The following PTK2 variants were observed in gnomAD, a reference collection of about 807,000 sequenced individuals.
PTK2 encodes the protein focal adhesion kinase 1.
A neutral mutation model predicts 150.1 loss-of-function variants in PTK2; 45 were observed. The ratio of observed to expected loss-of-function variants is 0.30; its 90% CI spans 0.24 to 0.38. The LOEUF (loss-of-function observed/expected upper bound fraction) is 0.38, where lower values mean the gene tolerates loss of function less well. PTK2 is among the 10% of genes least tolerant of loss of function. The pLI, the probability that PTK2 is intolerant of heterozygous loss-of-function variation, is 1.00. For synonymous variants in PTK2, 432 were observed against 449.2 expected, an observed-to-expected ratio of 0.96 and a Z score of 0.48; for missense variants, 919 against 1,307.3, an observed-to-expected ratio of 0.70 and a Z score of 4.58.
intron 1 of PTK2, among the ~76,000 whole-genome samples, chr8:140,984,501 A>G (rs1009191235): frequency 6.6e-6 from 1 of 152,122 alleles, no homozygotes; most frequent in Non-Finnish European, 1.5e-5. Flanking sequence ...TTAAAATATA[A>G]CGAGATCCCT....
intron 15 of PTK2, among the ~76,000 whole-genome samples, 192 bp from the exon 19 acceptor site, chr8:140,761,454 TAGAAGA>T (rs976336675): frequency 6.6e-6 from 1 of 152,192 alleles, no homozygotes; most frequent in African/African-American, 2.4e-5. Flanking sequence ...GTTATGGTAT[TAGAAGA>T]ACTACTGAAA....
chr8:140,794,184 T>TTCA (rs1459588406), intron 12 of PTK2, among the ~76,000 whole-genome samples: 1 of 152,234 alleles, frequency 6.6e-6, no homozygotes, highest in East Asian at 1.9e-4. Flanking sequence ...AAATTACCAA[T>TTCA]TCATCAATCA....
At chr8:140,844,940 T>C (rs540267135) in intron 7 of PTK2, among the ~76,000 whole-genome samples, 70 of 152,294 alleles carry the variant, frequency 4.6e-4, no homozygotes, top group African/African-American at 1.6e-3. Flanking sequence ...GTGACTGGTA[T>C]CCATAGTGGC....
chr8:140,990,904 C>T (rs757756364), intron 1 of PTK2, among the ~76,000 whole-genome samples: 6 of 152,044 alleles, frequency 3.9e-5, no homozygotes, highest in Non-Finnish European at 7.4e-5. Context: ...AGAGAATGGA[C>T]GGGAGACTCT....
intron 1 of PTK2, chr8:140,948,652 A>G (rs1165385532): frequency 1.3e-5 from 2 of 152,244 alleles, no homozygotes; most frequent in African/African-American, 2.4e-5. Context: ...CACAAATGAT[A>G]AAGTTTAACA....
At chr8:140,717,534 C>T in intron 23 of PTK2, 64 bp downstream of exon 26, 2 of 1,265,512 alleles carry the variant, frequency 1.6e-6, no homozygotes, top group Non-Finnish European at 1.2e-6. Context: ...AAAACAGCTG[C>T]CTAACTGTAA....
chr8:140,924,820 A>C (rs940576804), intron 2 of PTK2, among the ~76,000 whole-genome samples: 1 of 152,250 alleles, frequency 6.6e-6, no homozygotes, highest in African/African-American at 2.4e-5. Context: ...TTTAGTACTG[A>C]TACTATTAAA....
chr8:140,950,121 T>G (rs2100179072), intron 1 of PTK2, among the ~76,000 whole-genome samples: 1 of 152,246 alleles, frequency 6.6e-6, no homozygotes, highest in African/African-American at 2.4e-5. Context: ...CCTCTCCACC[T>G]TGCTCATCCT....
intron 14 of PTK2, among the ~76,000 whole-genome samples, 161 bp downstream of exon 14, chr8:140,789,313 T>TA (rs1487418108): frequency 1.3e-5 from 2 of 151,846 alleles, no homozygotes; most frequent in East Asian, 3.8e-4. Flanking sequence ...GAGCCATACT[T>TA]AAAACTATTT....
Position 140,696,499 on chromosome 8 carries a change from A to T in PTK2, c.2499+4392T>A, listed in dbSNP as rs115201742. Among the ~76,000 whole-genome samples, 295 of 152,132 alleles carry T rather than the reference A, an allele frequency of 1.9e-3. 2 individuals carry two copies. The highest frequency in any genetic ancestry group is 6.9e-3 in the African/African-American group (285 of 41,484). ...GTAGAGGCCAGGGATGTTGCTAAGA[A>T]CTCCTACTATTCATAGGACAGCCTC... On this transcript the variant is annotated intron_variant, in intron 26 of 31. Transcript: ENST00000522684.
intron 23 of PTK2, among the ~76,000 whole-genome samples, chr8:140,716,164 C>G (rs1301253399): frequency 6.6e-6 from 1 of 152,184 alleles, no homozygotes; most frequent in Non-Finnish European, 1.5e-5. Context: ...AGGTAGGTGA[C>G]TTGCTCAGTC....
chr8:140,700,791 A>T, intron 26 of PTK2, 100 bp downstream of exon 29: 1 of 1,455,958 alleles, frequency 6.9e-7, no homozygotes, highest in Non-Finnish European at 9.3e-7. Flanking sequence ...TGTAAAACTA[A>T]CTCTCCTGCT....
chr8:140,664,510 C>T lies in PTK2; in HGVS notation c.2946+407G>A, dbSNP rs369576500. 1.1e-4 allele frequency among the ~76,000 whole-genome samples: 16 copies of T among 152,238 alleles called. 1 individual carries two copies. The South Asian group carries it at 1.5e-3, about 14-fold the overall frequency. On this transcript the variant is annotated intron_variant, in intron 31 of 31. Coordinates refer to ENST00000522684, the Ensembl canonical transcript of PTK2. Reference sequence around the variant, plus strand: ...AGCTCAACTATTTTTAAGGAGAATTCGAGGAAGCAGACCATGCACAATGCC... The same window carrying T: ...AGCTCAACTATTTTTAAGGAGAATTTGAGGAAGCAGACCATGCACAATGCC...
chr8:140,756,922 GAGC>G (rs1171757480), intron 16 of PTK2, among the ~76,000 whole-genome samples: 1 of 151,544 alleles, frequency 6.6e-6, no homozygotes, highest in Non-Finnish European at 1.5e-5. Context: ...CCGGGAGGCG[GAGC>G]TTGCAGTGAG....
upstream of PTK2, among the ~76,000 whole-genome samples, chr8:141,001,620 G>A (rs905150037): frequency 6.6e-6 from 1 of 152,106 alleles, no homozygotes; most frequent in Non-Finnish European, 1.5e-5. Flanking sequence ...GGGATTAGAC[G>A]GACTTCGGGA....
rs1166008796 is a variant in PTK2 at position 140,925,658 on chromosome 8, T to C, written c.-33+3A>G. 3.0e-6 allele frequency: 3 copies of C among 985,156 alleles called. No homozygotes were observed. Among genetic ancestry groups the C allele is most frequent in the African/African-American group, 3.5e-5 (2 of 57,244 alleles). 61.0% of individuals were successfully genotyped at this position (985,156 alleles called of 1,614,324 possible). A position where few individuals can be genotyped will look rare whatever the true frequency, so the allele number is the denominator to read the frequency against. On this transcript the variant is annotated splice_donor_region_variant and intron_variant, in intron 2 of 31. Transcript: ENST00000522684. Reference sequence around the variant, plus strand: ...TTGCAAAGTTTCTTAACCATTACTATACCTCCCTTCCGTTATTCTTGAGGA... The same window carrying C: ...TTGCAAAGTTTCTTAACCATTACTACACCTCCCTTCCGTTATTCTTGAGGA...
intron 27 of PTK2, among the ~76,000 whole-genome samples, chr8:140,682,855 G>A (rs2100017856): frequency 6.6e-6 from 1 of 152,150 alleles, no homozygotes; most frequent in Non-Finnish European, 1.5e-5. Flanking sequence ...CTAAGGCAGT[G>A]TTAAGAAGAA....
At chr8:140,748,714 C>T (rs928253027) in intron 17 of PTK2, among the ~76,000 whole-genome samples, 3 of 152,090 alleles carry the variant, frequency 2.0e-5, no homozygotes, top group Admixed American at 2.0e-4. Flanking sequence ...ACATACATAT[C>T]TGTGTGTGAA....
chr8:140,726,968 C>A (rs896770578), intron 22 of PTK2, among the ~76,000 whole-genome samples: 2 of 152,106 alleles, frequency 1.3e-5, no homozygotes, highest in Non-Finnish European at 2.9e-5. Context: ...ATGGACATTC[C>A]TGCTGGCAAA....
Sources: gnomAD v4.1 joint callset for allele counts (sites outside exome capture counted in the v4.1 genomes callset) on GRCh38, gnomAD v4.1.1 for gene constraint, MANE v1.5 for transcripts, NCBI Gene and HGNC (gene_info 2026-07-23, HGNC 2026-07-21) for gene names.